Variants in PDE4D observed in about 807,000 individuals in gnomAD.
The protein encoded by PDE4D is 3',5'-cyclic-AMP phosphodiesterase 4D.
In PDE4D, 24 loss-of-function variants were observed where a neutral mutation model predicts 87.4. That is an observed-to-expected ratio of 0.27 (90% CI 0.20 to 0.39). The LOEUF (loss-of-function observed/expected upper bound fraction) is 0.39, where lower values mean the gene tolerates loss of function less well. Ranked by LOEUF, PDE4D falls within the 10% of genes least tolerant of loss-of-function variation. The probability of loss-of-function intolerance (pLI) is 1.00; values close to 1 mark genes in which losing one functional copy is unlikely to be tolerated. For synonymous variants in PDE4D, 384 were observed against 383.2 expected, an observed-to-expected ratio of 1.00 and a Z score of -0.02; for missense variants, 714 against 1,041.0, an observed-to-expected ratio of 0.69 and a Z score of 4.32.
At chr5:59,165,980 A>T (rs1781866660) in intron 5 of PDE4D, among the ~76,000 whole-genome samples, 1 of 152,194 alleles carries the variant, frequency 6.6e-6, no homozygotes, top group South Asian at 2.1e-4. Context: ...CACTGTAAAG[A>T]TGCACTGATT....
intron 1 of PDE4D, among the ~76,000 whole-genome samples, chr5:59,688,261 T>G (rs549575429): frequency 1.3e-5 from 2 of 152,194 alleles, no homozygotes; most frequent in Non-Finnish European, 2.9e-5. Context: ...ATCAACAGAA[T>G]ATACATTCTT....
chr5:59,893,378 G>A lies in PDE4D; in HGVS notation c.245C>T (p.Pro82Leu), dbSNP rs1232706958. ...AGCCCCGGGCGGCGGCGGGGGCGGC[G>A]GCAGGGGGGGCGGCGGCGGCGGCTG... ...PLQPPPPPPL[P>L]PPPPPPGAAR... The change falls in exon 1 of 15, where the codon CCG becomes CTG. Residue 82 changes from proline (P) to leucine (L), a missense_variant. Physicochemically the swap from Pro to Leu is moderately conservative, Grantham distance 98 (BLOSUM62 -3). Around this residue, in one of 7 missense-constraint regions of PDE4D, gnomAD observed 268 missense variants for 272.9 expected, o/e 0.98. Transcript: ENST00000340635. 4 of 1,248,988 alleles carry A rather than the reference G, an allele frequency of 3.2e-6. No individual in the cohort carries two copies. The highest frequency in any genetic ancestry group is 6.6e-5 in the East Asian group (2 of 30,416). 77.4% of individuals were successfully genotyped at this position (1,248,988 alleles called of 1,614,324 possible).
At chr5:59,673,775 G>T (rs298062) in intron 1 of PDE4D, among the ~76,000 whole-genome samples, 72,676 of 151,924 alleles carry the variant, frequency 0.48, 17,805 homozygotes, top group East Asian at 0.7. Context: ...CTAGTTATTT[G>T]CTATATGCAC....
chr5:59,524,085 T>C (rs562175753), intron 1 of PDE4D, among the ~76,000 whole-genome samples: 1 of 152,174 alleles, frequency 6.6e-6, no homozygotes, highest in Admixed American at 6.5e-5. Context: ...GTACTGAGAG[T>C]AGTGTGGCAC....
At chr5:60,475,921 G>A (rs1426997569) in intron 1 of PDE4D, among the ~76,000 whole-genome samples, 1 of 151,332 alleles carries the variant, frequency 6.6e-6, no homozygotes, top group African/African-American at 2.4e-5. Flanking sequence ...AACATAGAGT[G>A]ACATTCAGTA....
intron 5 of PDE4D, among the ~76,000 whole-genome samples, chr5:59,060,371 A>G (rs913826890): frequency 6.6e-6 from 1 of 152,132 alleles, no homozygotes; most frequent in African/African-American, 2.4e-5. Flanking sequence ...CTCTCTATTT[A>G]CTGCTGAATA....
chr5:59,099,271 T>C (rs1770325070), intron 5 of PDE4D, among the ~76,000 whole-genome samples: 1 of 152,182 alleles, frequency 6.6e-6, no homozygotes, highest in South Asian at 2.1e-4. Context: ...AAGAACTAGG[T>C]GCAGAATTCA....
chr5:59,199,863 C>A (rs1222157558), intron 2 of PDE4D, among the ~76,000 whole-genome samples: 2 of 151,556 alleles, frequency 1.3e-5, no homozygotes, highest in Non-Finnish European at 2.9e-5. Context: ...CATACATGTA[C>A]ATATATACAT....
chr5:58,999,549 A>C (rs1165721595), intron 6 of PDE4D: 4 of 1,250,530 alleles, frequency 3.2e-6, no homozygotes, highest in Non-Finnish European at 3.1e-6. Flanking sequence ...TTGATTGATT[A>C]TATGTATATA....
chr5:60,268,128 G>A lies in PDE4D; in HGVS notation c.-89-82441C>T, dbSNP rs149071002. 3.9e-3 allele frequency among the ~76,000 whole-genome samples: 596 copies of A among 152,288 alleles called. 1 individual carries two copies. The highest frequency in any genetic ancestry group is 0.014 in the African/African-American group (577 of 41,556). On this transcript the variant is annotated intron_variant, in intron 1 of 16. Coordinates refer to the PDE4D transcript ENST00000502484. ...ATGAAAAATTCTAGAGCAGACAGAT[G>A]CCTCATTCCTGTTACCACCATAGTC...
chr5:59,046,415 A>AAT (rs1760687079), intron 5 of PDE4D, among the ~76,000 whole-genome samples: 2 of 147,244 alleles, frequency 1.4e-5, no homozygotes, highest in East Asian at 2.4e-4. Context: ...AGAGAGAGAG[A>AAT]GAGAATGTGT....
At chr5:59,006,599 T>A (rs1048062907) in intron 6 of PDE4D, among the ~76,000 whole-genome samples, 1 of 150,678 alleles carries the variant, frequency 6.6e-6, no homozygotes, top group Non-Finnish European at 1.5e-5. Flanking sequence ...AAAAAAAAAA[T>A]TCCCATAATG....
At position 59,959,434 on chromosome 5, in the gene PDE4D, C is replaced by T. The variant is rs145787627; in HGVS notation, c.272+29054G>A. Among the ~76,000 whole-genome samples, 298 of 152,070 alleles carry T rather than the reference C, an allele frequency of 2.0e-3. 9 individuals carry two copies. In the East Asian group the frequency reaches 0.045, roughly 23 times the overall value. On this transcript the variant is annotated intron_variant, in intron 3 of 16. Transcript: ENST00000502484. ...GCAATCCTAAAGAAAAAGAACAAAGCCAGAGGCATCACCTGACTTCAAATT... is the reference window on the plus strand; with the variant it reads ...GCAATCCTAAAGAAAAAGAACAAAGTCAGAGGCATCACCTGACTTCAAATT...
chr5:60,275,966 G>A (rs1173692255), intron 1 of PDE4D, among the ~76,000 whole-genome samples: 2 of 151,754 alleles, frequency 1.3e-5, no homozygotes, highest in Non-Finnish European at 1.5e-5. Flanking sequence ...ATTGATTTCT[G>A]GTTTGATTCC....
At chr5:60,320,150 G>A (rs529706205) in intron 1 of PDE4D, among the ~76,000 whole-genome samples, 13 of 152,308 alleles carry the variant, frequency 8.5e-5, no homozygotes, top group South Asian at 4.1e-4. Flanking sequence ...CTTCCCAGCC[G>A]CTTTGTTTAC....
At chr5:59,910,478 C>A (rs1389556864) in intron 3 of PDE4D, among the ~76,000 whole-genome samples, 1 of 152,166 alleles carries the variant, frequency 6.6e-6, no homozygotes, top group Non-Finnish European at 1.5e-5. Flanking sequence ...ATAACTACAT[C>A]CATGACTACA....
chr5:60,327,925 A>G (rs60693366), intron 1 of PDE4D, among the ~76,000 whole-genome samples: 8,875 of 152,236 alleles, frequency 0.058, 849 homozygotes, highest in African/African-American at 0.2. Flanking sequence ...CTACATTTCT[A>G]TTAAACCTAA....
intron 1 of PDE4D, among the ~76,000 whole-genome samples, chr5:59,649,631 A>T (rs1743035528): frequency 6.6e-6 from 1 of 151,968 alleles, no homozygotes; most frequent in Admixed American, 6.6e-5. Flanking sequence ...GGATAGACCT[A>T]TTCCCGAAAC....
intron 1 of PDE4D, among the ~76,000 whole-genome samples, chr5:60,267,595 A>G (rs770113169): frequency 1.3e-4 from 20 of 152,138 alleles, no homozygotes; most frequent in Non-Finnish European, 1.6e-4. Context: ...CTAGGATTCA[A>G]TATTACATCT....
Sources: allele counts gnomAD v4.1 joint callset (sites outside exome capture counted in the v4.1 genomes callset), GRCh38; gene constraint gnomAD v4.1.1; regional missense constraint gnomAD v4.1.1; transcripts MANE v1.5; gene names NCBI Gene and HGNC (gene_info 2026-07-23, HGNC 2026-07-21).